Variants in PHLDB3 observed in about 807,000 individuals in gnomAD.
PHLDB3 encodes pleckstrin homology-like domain family B member 3.
Under a neutral mutation model 85.7 loss-of-function variants are expected in PHLDB3, and 86 were observed. The observed-to-expected ratio is 1.00, with a 90% CI of 0.84 to 1.20. PHLDB3 has a LOEUF of 1.20. PHLDB3 is among the 50% of genes most tolerant of loss of function. The pLI is 0.00. For synonymous variants in PHLDB3, 376 were observed against 349.8 expected (o/e 1.07, Z -0.83); for missense variants, 995 against 873.0 (o/e 1.14, Z -1.76).
At chr19:43,500,412 T>C (rs924684654) in intron 4 of PHLDB3, among the ~76,000 whole-genome samples, 24 of 152,102 alleles carry the variant, frequency 1.6e-4, no homozygotes, top group African/African-American at 5.8e-4. Flanking sequence ...AGGCATGCGA[T>C]CAGCCATGCT....
chr19:43,500,922 C>CA (rs1353097805), intron 4 of PHLDB3, among the ~76,000 whole-genome samples: 1 of 118,646 alleles, frequency 8.4e-6, no homozygotes, highest in Non-Finnish European at 1.8e-5. Flanking sequence ...CCCCCCCCAC[C>CA]CCGCAAGTAC....
intron 2 of PHLDB3, among the ~76,000 whole-genome samples, chr19:43,502,924 T>C (rs1971650037): frequency 1.3e-5 from 2 of 152,134 alleles, no homozygotes; most frequent in Admixed American, 1.3e-4. Context: ...TTGGCGTCAC[T>C]TTCTTGTAGT....
chr19:43,491,334 G>A (rs1049875371), intron 9 of PHLDB3, among the ~76,000 whole-genome samples: 2 of 151,996 alleles, frequency 1.3e-5, no homozygotes, highest in Admixed American at 6.6e-5. Flanking sequence ...AAGAAAAAAT[G>A]AAATTTTATA....
intron 9 of PHLDB3, 79 bp downstream of exon 9, chr19:43,494,623 T>C: frequency 4.2e-6 from 5 of 1,183,458 alleles, no homozygotes; most frequent in Non-Finnish European, 6.0e-6. Flanking sequence ...AGACCCCAGT[T>C]CGGGGACTCT....
At chr19:43,498,271 T>C (rs983900911) in intron 4 of PHLDB3, among the ~76,000 whole-genome samples, 1 of 151,912 alleles carries the variant, frequency 6.6e-6, no homozygotes, top group African/African-American at 2.4e-5. Context: ...CCAGGGAGAT[T>C]GAGGCTGCAC....
rs1460005738 is a variant in PHLDB3 at position 43,479,402 on chromosome 19, T to G, written c.1677A>C (p.Gln559His). ...WRKRWFCFDR[Q>H]ARRLAYYADK... ...CCGCATAGTAGGCCAAGCGGCGGGC[T>G]TGGCGGTCAAAGCAGAACCATCGCT... Residue 559 changes from glutamine to histidine, a missense_variant, in exon 14 of 16, where the codon CAA becomes CAC. Coordinates refer to ENST00000292140, the MANE Select transcript of PHLDB3 (RefSeq NM_198850.4). 1 of 1,563,674 alleles carries G rather than the reference T, an allele frequency of 6.4e-7. No homozygotes were observed. Among genetic ancestry groups the G allele is most frequent in the Non-Finnish European group, 8.7e-7 (1 of 1,154,812 alleles).
At chr19:43,497,942 T>A (rs897393839) in intron 4 of PHLDB3, 66 bp from the exon 5 acceptor site, 36 of 1,539,070 alleles carry the variant, frequency 2.3e-5, no homozygotes. Context: ...GCCAGCCATA[T>A]CTCAGAGCCT....
intron 9 of PHLDB3, among the ~76,000 whole-genome samples, chr19:43,487,448 G>A (rs534566702): frequency 6.6e-5 from 10 of 151,718 alleles, no homozygotes; most frequent in East Asian, 3.9e-4. Flanking sequence ...GGTGGCACGC[G>A]CCTGTAGTCC....
At chr19:43,496,886 C>T (rs1286353696) in intron 6 of PHLDB3, 4 of 538,598 alleles carry the variant, frequency 7.4e-6, no homozygotes, top group East Asian at 3.7e-5. Context: ...AAAAAAAAAA[C>T]GTAATAGAAC....
intron 9 of PHLDB3, 114 bp downstream of exon 9, chr19:43,494,588 C>T (rs895275065): frequency 2.4e-5 from 20 of 822,960 alleles, no homozygotes; most frequent in Non-Finnish European, 3.8e-5. Context: ...CGGCCCCATA[C>T]AGAAAATCAG....
chr19:43,489,365 T>C (rs1020472840), intron 9 of PHLDB3, among the ~76,000 whole-genome samples: 5 of 118,678 alleles, frequency 4.2e-5, no homozygotes, highest in South Asian at 3.1e-4. Flanking sequence ...ATCTATCTCT[T>C]AAAGTTTTTT....
At chr19:43,501,643 G>A in intron 4 of PHLDB3, 91 bp downstream of exon 4, 1 of 1,526,810 alleles carries the variant, frequency 6.5e-7, no homozygotes, top group Non-Finnish European at 8.8e-7. Context: ...GGGGAATGGG[G>A]ACAACCCCGG....
chr19:43,502,250 T>G lies in PHLDB3; in HGVS notation c.247A>C (p.Thr83Pro), dbSNP rs763718097. 2 of 1,564,062 alleles carry G rather than the reference T, an allele frequency of 1.3e-6. No individual in the cohort carries two copies. The highest frequency in any genetic ancestry group is 1.7e-6 in the Non-Finnish European group (2 of 1,157,090). ...EATPPIAMAA[T>P]PPASTSSREG... is the part of the protein sequence containing the mutation. ...CGCGAAGAGGTGGATGCGGGAGGTG[T>G]GGCCGCCATAGCTATCGGAGGCGTA... The change falls in exon 3 of 16, where the codon ACA (threonine) becomes CCA (proline). Residue 83 changes from threonine to proline, a missense_variant. By Grantham distance (38) the Thr-to-Pro change is conservative (BLOSUM62 -1). Transcript: ENST00000292140.
chr19:43,479,122 C>G (rs1970984917), intron 14 of PHLDB3, among the ~76,000 whole-genome samples: 1 of 151,926 alleles, frequency 6.6e-6, no homozygotes, highest in South Asian at 2.1e-4. Flanking sequence ...TATCTATGTC[C>G]CTGAGGAGGA....
intron 4 of PHLDB3, among the ~76,000 whole-genome samples, chr19:43,498,539 C>A (rs962716720): frequency 6.6e-6 from 1 of 152,098 alleles, no homozygotes; most frequent in African/African-American, 2.4e-5. Flanking sequence ...TTAATGAATG[C>A]AAAACATATT....
chr19:43,477,141 C>G (rs1970944010), intron 15 of PHLDB3, among the ~76,000 whole-genome samples: 2 of 152,184 alleles, frequency 1.3e-5, no homozygotes, highest in Admixed American at 6.6e-5. Context: ...CTGCCCGACC[C>G]TTGCTGTGAC....
Position 43,475,224 on chromosome 19 carries a change from G to A in PHLDB3, c.*186C>T, listed in dbSNP as rs191475780. 200 of 768,078 alleles carry A rather than the reference G, an allele frequency of 2.6e-4. 1 individual carries two copies. The East Asian group carries it at 5.6e-3, about 21-fold the overall frequency. The allele number at this position is 768,078 out of a possible 1,614,324, so 47.6% of individuals were successfully genotyped here. On this transcript the variant is annotated 3_prime_UTR_variant, in exon 16 of 16. Transcript: ENST00000292140. ...CTTAGGGGCCGGCGATCCCGTCGGG[G>A]GCAAGGCACCTGCAACCCAGAACGC...
Position 43,475,432 on chromosome 19 carries a change from G to T in PHLDB3, c.1901C>A (p.Ala634Asp), listed in dbSNP as rs1368133502. 9.3e-6 allele frequency: 15 copies of T among 1,613,846 alleles called. No homozygotes were observed. Among genetic ancestry groups the T allele is most frequent in the Non-Finnish European group, 1.1e-5 (13 of 1,179,860 alleles). ...CACTCAGGGGGCGTGGTTTTCGTCA[G>T]CGGCGGTCACGATGACGTCCATCCA... Reference protein sequence around the residue: ...RIWMDVIVTAADENHAP With the variant: ...RIWMDVIVTADDENHAP Residue 634 changes from alanine to aspartate, a missense_variant, in exon 16 of 16, where the codon GCT (alanine) becomes GAT (aspartate). Ala to Asp is a moderately radical substitution (Grantham distance 126, BLOSUM62 -2). Transcript: ENST00000292140.
intron 1 of PHLDB3, chr19:43,504,342 C>A: frequency 1.7e-6 from 1 of 589,718 alleles, no homozygotes; most frequent in Non-Finnish European, 3.0e-6. Flanking sequence ...GAGACGGGAC[C>A]GGAATTTGAG....
Sources: gnomAD v4.1 joint callset for allele counts (sites outside exome capture counted in the v4.1 genomes callset) on GRCh38, gnomAD v4.1.1 for gene constraint, MANE v1.5 for transcripts, NCBI Gene and HGNC (gene_info 2026-07-23, HGNC 2026-07-21) for gene names.